RAI14: variants seen among roughly 807,000 people sequenced by gnomAD.
The protein encoded by RAI14 is retinoic acid induced 14.
A neutral mutation model predicts 115.4 loss-of-function variants in RAI14; 45 were observed. The observed-to-expected ratio is 0.39, with a 90% CI of 0.31 to 0.50. The LOEUF (loss-of-function observed/expected upper bound fraction) is 0.50. Among genes scored for constraint, RAI14 ranks in the 20% least tolerant of loss-of-function variants. The pLI is 0.85. For missense variants in RAI14, 939 were observed against 1,131.2 expected (o/e 0.83, Z 2.44); for synonymous variants, 371 against 415.4 (o/e 0.89, Z 1.30).
At chr5:34,742,028 A>T (rs1745579435) in intron 2 of RAI14, among the ~76,000 whole-genome samples, 1 of 152,190 alleles carries the variant, frequency 6.6e-6, no homozygotes, top group Admixed American at 6.5e-5. Context: ...ATTGGACTGA[A>T]TAAGAGGATT....
At chr5:34,747,405 A>G (rs189599834) in intron 2 of RAI14, among the ~76,000 whole-genome samples, 496 of 152,340 alleles carry the variant, frequency 3.3e-3, no homozygotes, top group Non-Finnish European at 4.9e-3. Context: ...AGCACGGATA[A>G]ACAATGACAT....
At chr5:34,680,711 C>T (rs773178101) in intron 1 of RAI14, among the ~76,000 whole-genome samples, 20 of 152,146 alleles carry the variant, frequency 1.3e-4, no homozygotes, top group Admixed American at 1.0e-3. Context: ...GTCCAAATCC[C>T]GTGTTTCCTT....
At chr5:34,728,757 A>C (rs941111561) in intron 2 of RAI14, 1 of 143,612 alleles carries the variant, frequency 7.0e-6, no homozygotes, top group African/African-American at 2.7e-5. Context: ...TGTTTCTACA[A>C]AAAAAAAAAA....
intron 2 of RAI14, among the ~76,000 whole-genome samples, chr5:34,743,086 C>T (rs1745727798): frequency 6.6e-6 from 1 of 152,154 alleles, no homozygotes; most frequent in Non-Finnish European, 1.5e-5. Context: ...GGGGTGGAGT[C>T]CTCTGGGGAT....
intron 2 of RAI14, among the ~76,000 whole-genome samples, chr5:34,753,463 CT>C (rs1747411493): frequency 6.6e-6 from 1 of 152,022 alleles, no homozygotes; most frequent in Non-Finnish European, 1.5e-5. Flanking sequence ...TTGTGATTGG[CT>C]ATGGGAATTT....
chr5:34,782,931 G>A (rs982275468), intron 3 of RAI14, among the ~76,000 whole-genome samples: 13 of 152,154 alleles, frequency 8.5e-5, no homozygotes, highest in Non-Finnish European at 1.6e-4. Flanking sequence ...AAACAGGTAC[G>A]TTCATTATTT....
chr5:34,779,072 C>T (rs773491680), intron 3 of RAI14, among the ~76,000 whole-genome samples: 2 of 151,988 alleles, frequency 1.3e-5, no homozygotes, highest in Non-Finnish European at 2.9e-5. Flanking sequence ...GTTCAACATA[C>T]ACAAATCAAT....
chr5:34,823,549 TAAGCC>T lies in RAI14; in HGVS notation c.1709_1713del (p.Lys570ThrfsTer17). On this transcript the variant is annotated frameshift_variant, in exon 15 of 18. Coordinates refer to ENST00000265109, the MANE Select transcript of RAI14 (RefSeq NM_015577.3). LOFTEE classifies it high-confidence loss of function. The surrounding 1 kb of genome is among the most constrained non-coding windows in gnomAD (Gnocchi z 4.5). ...TAGAGAGGGAGAAAGGTACAGTGAT[TAAGCC>T]ACCTGTGGAAGAGTACGAGGAAATG... is the stretch of plus-strand genomic sequence containing the variant. The T allele has an allele frequency of 6.2e-7, 1 of 1,614,156 alleles. No individual in the cohort carries two copies. Among genetic ancestry groups the T allele is most frequent in the Non-Finnish European group, 8.5e-7 (1 of 1,180,016 alleles).
chr5:34,703,077 G>A (rs1740279519), intron 2 of RAI14, among the ~76,000 whole-genome samples: 1 of 152,190 alleles, frequency 6.6e-6, no homozygotes, highest in Non-Finnish European at 1.5e-5. Context: ...TAACCCAGAT[G>A]TTGGGAGTAA....
chr5:34,714,089 A>C (rs537805320), intron 2 of RAI14, among the ~76,000 whole-genome samples: 1 of 152,260 alleles, frequency 6.6e-6, no homozygotes, highest in Non-Finnish European at 1.5e-5. Context: ...GGCGTGAGCC[A>C]CCTCGCCCGG....
chr5:34,759,505 C>T (rs1227062932), intron 3 of RAI14, among the ~76,000 whole-genome samples: 2 of 152,154 alleles, frequency 1.3e-5, no homozygotes, highest in Admixed American at 1.3e-4. Context: ...CATAGTAGCA[C>T]AAACCCTACT....
intron 3 of RAI14, among the ~76,000 whole-genome samples, chr5:34,759,407 G>A (rs1162500906): frequency 6.6e-6 from 1 of 152,190 alleles, no homozygotes; most frequent in Non-Finnish European, 1.5e-5. Context: ...TGCAAGCAAA[G>A]CTTCCTCTGT....
intron 2 of RAI14, among the ~76,000 whole-genome samples, chr5:34,751,611 T>C (rs1238892936): frequency 6.6e-6 from 1 of 152,206 alleles, no homozygotes; most frequent in African/African-American, 2.4e-5. Flanking sequence ...CTAGTTGTAG[T>C]TTGTTCATTT....
At chr5:34,769,647 A>G (rs1006999635) in intron 3 of RAI14, among the ~76,000 whole-genome samples, 4 of 152,240 alleles carry the variant, frequency 2.6e-5, no homozygotes, top group Non-Finnish European at 5.9e-5. Context: ...ACACTGAAGT[A>G]AGTGAATTTG....
intron 2 of RAI14, among the ~76,000 whole-genome samples, chr5:34,724,115 C>A (rs1160492914): frequency 2.0e-5 from 3 of 152,214 alleles, no homozygotes; most frequent in Admixed American, 1.3e-4. Context: ...CTCCTGGATT[C>A]AAGAGATTCT....
chr5:34,657,881 C>G (rs796917242), intron 1 of RAI14, among the ~76,000 whole-genome samples: 7 of 152,352 alleles, frequency 4.6e-5, no homozygotes, highest in African/African-American at 1.7e-4. Flanking sequence ...GGTCCCTGTT[C>G]GCCCTGTGGC....
At chr5:34,760,591 A>G (rs577467927) in intron 3 of RAI14, among the ~76,000 whole-genome samples, 1 of 152,192 alleles carries the variant, frequency 6.6e-6, no homozygotes, top group Admixed American at 6.5e-5. Flanking sequence ...GGTTTATGAT[A>G]ATTTTGTCCA....
chr5:34,734,201 T>C lies in RAI14; in HGVS notation c.37-23267T>C, dbSNP rs546599308. ...CCCCCCTGGTCTCTGTGTGATTCCGTTGATGACCCCACCAGTTGGTGGGCA... is the reference window on the plus strand; with the variant it reads ...CCCCCCTGGTCTCTGTGTGATTCCGCTGATGACCCCACCAGTTGGTGGGCA... On this transcript the variant is annotated intron_variant, in intron 2 of 17. Transcript: ENST00000265109. Among the ~76,000 whole-genome samples the C allele has an allele frequency of 1.6e-4, 25 of 152,272 alleles. No individual in the cohort carries two copies. The South Asian group carries it at 5.0e-3, about 30-fold the overall frequency.
chr5:34,741,025 CACTCTGTTT>C (rs1351660345), intron 2 of RAI14, among the ~76,000 whole-genome samples: 1 of 152,152 alleles, frequency 6.6e-6, no homozygotes. Context: ...TTATTTAAGT[CACTCTGTTT>C]ACTAAGGCTT....
Sources: gnomAD v4.1 joint callset for allele counts (sites outside exome capture counted in the v4.1 genomes callset) on GRCh38, gnomAD v4.1.1 for gene constraint, Gnocchi (gnomAD v3.1) non-coding constraint, MANE v1.5 for transcripts, NCBI Gene and HGNC (gene_info 2026-07-23, HGNC 2026-07-21) for gene names.